Variants in ZFHX2 observed in about 807,000 individuals in gnomAD.
ZFHX2 encodes zinc finger homeobox protein 2.
A neutral mutation model predicts 164.8 loss-of-function variants in ZFHX2; 75 were observed. The observed-to-expected ratio is 0.46, with a 90% CI of 0.38 to 0.55. ZFHX2 has a LOEUF of 0.55. ZFHX2 is among the 20% of genes least tolerant of loss of function. The pLI is 0.00. For missense variants in ZFHX2, 2,933 were observed against 3,308.0 expected (o/e 0.89, Z 2.78); for synonymous variants, 1,217 against 1,351.4 (o/e 0.90, Z 2.18).
At chr14:23,528,247 G>A (rs1879042202) in intron 6 of ZFHX2, among the ~76,000 whole-genome samples, 1 of 152,192 alleles carries the variant, frequency 6.6e-6, no homozygotes, top group Non-Finnish European at 1.5e-5. Flanking sequence ...CAGATAGGAA[G>A]GCATTATAGC....
chr14:23,553,892 TCAAA>T (rs201576360), upstream of ZFHX2, among the ~76,000 whole-genome samples: 1,068 of 151,616 alleles, frequency 7.0e-3, 5 homozygotes, highest in African/African-American at 9.7e-3. Context: ...AGACTCCGTC[TCAAA>T]CAAACAAACA....
At position 23,524,872 on chromosome 14, in the gene ZFHX2, C is replaced by T. The variant is rs1294311243; in HGVS notation, c.5070G>A (p.Lys1690=). 2.0e-6 allele frequency: 3 copies of T among 1,536,442 alleles called. No individual in the cohort carries two copies. Among genetic ancestry groups the T allele is most frequent in the Admixed American group, 2.0e-5 (1 of 50,988 alleles). Residue 1690 remains lysine, a synonymous_variant, in exon 9 of 10, where the codon AAG becomes AAA. Transcript: ENST00000419474. The surrounding 1 kb of genome is among the most constrained non-coding windows in gnomAD (Gnocchi z 5.6). ...CAAGGGTCTGGTCATCATAGCACTT[C>T]TTGAGGTGGCGCACCAACTCAAAAA... ...SCVFELVRHL[K]KCYDDQTLEE...
At position 23,521,922 on chromosome 14, in the gene ZFHX2, G is replaced by A. The variant is rs1415676407; in HGVS notation, c.*40C>T. 6.5e-7 allele frequency: 1 copy of A among 1,534,166 alleles called. No individual in the cohort carries two copies. Among genetic ancestry groups the A allele is most frequent in the East Asian group, 2.4e-5 (1 of 40,914 alleles). ...AACACCCCTTGGGGTAAAAGAGGGA[G>A]CCCTGAGGCCCTCCCCTCTCCCCAT... On this transcript the variant is annotated 3_prime_UTR_variant, in exon 10 of 10. Coordinates refer to ENST00000419474, the MANE Select transcript of ZFHX2 (RefSeq NM_033400.3).
intron 1 of ZFHX2, chr14:23,543,705 G>A: frequency 6.6e-6 from 1 of 152,246 alleles, no homozygotes; most frequent in South Asian, 2.1e-4. Flanking sequence ...ATAATGGCGG[G>A]TAGTGTTCTT....
intron 4 of ZFHX2, chr14:23,531,033 A>C (rs1879479833): frequency 6.4e-6 from 1 of 156,866 alleles, no homozygotes; most frequent in African/African-American, 2.4e-5. Context: ...GGAGACAGGA[A>C]GAGGCTGGGA....
chr14:23,524,982 C>G lies in ZFHX2; in HGVS notation c.4960G>C (p.Ala1654Pro), dbSNP rs1343760873. 1 of 1,536,244 alleles carries G rather than the reference C, an allele frequency of 6.5e-7. No homozygotes were observed. The change falls in exon 9 of 10, where the codon GCC becomes CCC. Residue 1654 changes from alanine to proline, a missense_variant. Coordinates refer to ENST00000419474, the MANE Select transcript of ZFHX2 (RefSeq NM_033400.3). This position sits in a 1 kb window ranked among gnomAD's most constrained non-coding sequence, Gnocchi z 5.6. Reference protein sequence around the residue: ...QNARQKARKNACEGGSMPTGG... With the variant: ...QNARQKARKNPCEGGSMPTGG... ...GTTGGCATGGACCCACCCTCACAGGCATTTTTGCGTGCTTTCTGGCGGGCA... is the reference window on the plus strand; with the variant it reads ...GTTGGCATGGACCCACCCTCACAGGGATTTTTGCGTGCTTTCTGGCGGGCA...
Position 23,522,124 on chromosome 14 carries a change from G to A in ZFHX2, c.7557C>T (p.His2519=). 1.3e-6 allele frequency: 2 copies of A among 1,530,980 alleles called. No homozygotes were observed. The highest frequency in any genetic ancestry group is 1.7e-6 in the Non-Finnish European group (2 of 1,144,270). 94.8% of individuals were successfully genotyped at this position (1,530,980 alleles called of 1,614,324 possible). ...ALASHLRSSA[H]RRKAAPPQGG... ...CTTGAGGTGGGGCTGCCTTGCGCCT[G>A]TGGGCCGAGGAGCGCAGGTGGGAGG... The change falls in exon 10 of 10, where the codon CAC becomes CAT. Residue 2519 remains histidine, a synonymous_variant. Transcript: ENST00000419474.
At chr14:23,545,048 A>G (rs1182375305) in intron 1 of ZFHX2, among the ~76,000 whole-genome samples, 1 of 150,800 alleles carries the variant, frequency 6.6e-6, no homozygotes, top group Non-Finnish European at 1.5e-5. Flanking sequence ...TTTCTCCTCT[A>G]GTCAATTTGT....
intron 4 of ZFHX2, chr14:23,531,056 G>C (rs1198240034): frequency 3.8e-5 from 6 of 157,982 alleles, no homozygotes; most frequent in Admixed American, 6.4e-5. Context: ...CTTGTCAGGG[G>C]CCTCTTCCCA....
At position 23,525,168 on chromosome 14, in the gene ZFHX2, G is replaced by A; in HGVS notation, c.4774C>T (p.Pro1592Ser). ...SSRGNLPPLVPAGRRFSRTKF... is the reference protein window; with the variant it reads ...SSRGNLPPLVSAGRRFSRTKF... ...GTTCTGGAGAACCGGCGGCCGGCAG[G>A]CACCAGGGGAGGAAGATTCCCTCTG... Residue 1592 changes from proline (P) to serine (S), a missense_variant, in exon 9 of 10, where the codon CCT (proline) becomes TCT (serine). Coordinates refer to ENST00000419474, the MANE Select transcript of ZFHX2 (RefSeq NM_033400.3). The surrounding 1 kb of genome is among the most constrained non-coding windows in gnomAD (Gnocchi z 5.9). The A allele has an allele frequency of 6.5e-7, 1 of 1,536,166 alleles. No individual in the cohort carries two copies. Among genetic ancestry groups the A allele is most frequent in the Non-Finnish European group, 8.7e-7 (1 of 1,146,930 alleles).
chr14:23,548,855 C>T (rs1047155712), intron 1 of ZFHX2, among the ~76,000 whole-genome samples: 3 of 152,198 alleles, frequency 2.0e-5, no homozygotes, highest in East Asian at 1.9e-4. Flanking sequence ...CCGGCGCCCC[C>T]GCAGTGCTCT....
chr14:23,552,645 AGG>A (rs1882063873), upstream of ZFHX2, among the ~76,000 whole-genome samples: 2 of 151,466 alleles, frequency 1.3e-5, no homozygotes, highest in Admixed American at 1.3e-4. Flanking sequence ...TCTGTCGCCC[AGG>A]CTGCAGTGCA....
intron 1 of ZFHX2, among the ~76,000 whole-genome samples, chr14:23,537,743 G>A (rs980280552): frequency 6.6e-6 from 1 of 152,198 alleles, no homozygotes; most frequent in African/African-American, 2.4e-5. Flanking sequence ...CTCAAGTTGA[G>A]GGAGAAAGGT....
Position 23,551,435 on chromosome 14 carries a change from C to T in ZFHX2, c.-142G>A, listed in dbSNP as rs1414820604. The T allele has an allele frequency of 6.6e-6, 1 of 152,586 alleles. No homozygotes were observed. The highest frequency in any genetic ancestry group is 1.9e-4 in the East Asian group (1 of 5,176). The allele number at this position is 152,586 out of a possible 1,614,324, so 9.5% of individuals were successfully genotyped here. A position where few individuals can be genotyped will look rare whatever the true frequency, so the allele number is the denominator to read the frequency against. On this transcript the variant is annotated 5_prime_UTR_variant, in exon 1 of 10. Coordinates refer to ENST00000419474, the MANE Select transcript of ZFHX2 (RefSeq NM_033400.3). This position sits in a 1 kb window ranked among gnomAD's most constrained non-coding sequence, Gnocchi z 5.3. ...GGGGCGGCTCTTGGAAGGGACTTCT[C>T]CGATGTGTTGATTCCTCTTTTTTCC...
rs1881936308 is a variant in ZFHX2 at position 23,551,403 on chromosome 14, A to C, written c.-110T>G. The C allele has an allele frequency of 6.6e-6, 1 of 152,280 alleles. No homozygotes were observed. The highest frequency in any genetic ancestry group is 6.6e-5 in the Admixed American group (1 of 15,250). 9.4% of individuals were successfully genotyped at this position (152,280 alleles called of 1,614,324 possible). On this transcript the variant is annotated 5_prime_UTR_variant, in exon 1 of 10. Transcript: ENST00000419474. This position sits in a 1 kb window ranked among gnomAD's most constrained non-coding sequence, Gnocchi z 5.3. ...GGCCACCGAGCAGCGCGAGGCGGGG[A>C]GGGGAGGGGGCGGCTCTTGGAAGGG...
intron 6 of ZFHX2, 91 bp downstream of exon 6, chr14:23,529,619 A>G (rs1879266958): frequency 1.6e-6 from 2 of 1,266,790 alleles, no homozygotes; most frequent in Non-Finnish European, 1.1e-6. Context: ...AAGTCAAAGC[A>G]TGACAAAATT....
Position 23,525,487 on chromosome 14 carries a change from A to G in ZFHX2, c.4455T>C (p.Cys1485=). 6 of 1,535,850 alleles carry G rather than the reference A, an allele frequency of 3.9e-6. No individual in the cohort carries two copies. Among genetic ancestry groups the G allele is most frequent in the Non-Finnish European group, 5.2e-6 (6 of 1,146,898 alleles). Residue 1485 remains cysteine (C), a synonymous_variant, in exon 9 of 10, where the codon TGT becomes TGC. Coordinates refer to ENST00000419474, the MANE Select transcript of ZFHX2 (RefSeq NM_033400.3). The surrounding 1 kb of genome is among the most constrained non-coding windows in gnomAD (Gnocchi z 5.9). ...TAAGCATATTGGAGAAGAGTTTCCC[A>G]CAGGCCCCACAGGCCAGCTTGTCCC... ...GGGDKLACGA[C]GKLFSNMLIL...
Position 23,523,255 on chromosome 14 carries a change from A to AGAT in ZFHX2, c.6684_6686dup (p.Ser2229dup). The AGAT allele has an allele frequency of 7.0e-7, 1 of 1,436,126 alleles. No individual in the cohort carries two copies. Among genetic ancestry groups the AGAT allele is most frequent in the South Asian group, 1.5e-5 (1 of 67,562 alleles). 89.0% of individuals were successfully genotyped at this position (1,436,126 alleles called of 1,614,324 possible). A position where few individuals can be genotyped will look rare whatever the true frequency, so the allele number is the denominator to read the frequency against. Reference sequence around the variant, plus strand: ...GCGGGGGCTGAGCCAGAGCTGGGCCAGATAAGAGGACCGGCGCCAGGCGAG... The same window carrying AGAT: ...GCGGGGGCTGAGCCAGAGCTGGGCCAGATGATAAGAGGACCGGCGCCAGGCGAG... On this transcript the variant is annotated inframe_insertion, in exon 9 of 10. Transcript: ENST00000419474. This position sits in a 1 kb window ranked among gnomAD's most constrained non-coding sequence, Gnocchi z 4.1.
At chr14:23,528,898 G>A in intron 6 of ZFHX2, 1 of 924,532 alleles carries the variant, frequency 1.1e-6, no homozygotes, top group Non-Finnish European at 1.3e-6. Flanking sequence ...TGTGTGTCAG[G>A]GAGGGGATGA....
Sources: gnomAD v4.1 joint callset for allele counts (sites outside exome capture counted in the v4.1 genomes callset) on GRCh38, gnomAD v4.1.1 for gene constraint, Gnocchi (gnomAD v3.1) non-coding constraint, MANE v1.5 for transcripts, NCBI Gene and HGNC (gene_info 2026-07-23, HGNC 2026-07-21) for gene names.